AFF3: variants seen among roughly 807,000 people sequenced by gnomAD.
AFF3 encodes the protein AF4/FMR2 family member 3.
A neutral mutation model predicts 129.7 loss-of-function variants in AFF3; 32 were observed. That is an observed-to-expected ratio of 0.25 (90% CI 0.19 to 0.33). The LOEUF is 0.33. Ranked by LOEUF, AFF3 falls within the 10% of genes least tolerant of loss-of-function variation. The pLI, the probability that AFF3 is intolerant of heterozygous loss-of-function variation, is 1.00. For missense variants in AFF3, 1,373 were observed against 1,592.0 expected, an observed-to-expected ratio of 0.86 and a Z score of 2.34; for synonymous variants, 644 against 635.4, an observed-to-expected ratio of 1.01 and a Z score of -0.20.
At chr2:99,831,055 G>A (rs1400529255) in intron 8 of AFF3, among the ~76,000 whole-genome samples, 1 of 152,118 alleles carries the variant, frequency 6.6e-6, no homozygotes, top group Non-Finnish European at 1.5e-5. Flanking sequence ...GAACCTAAAG[G>A]GCACATCTTT....
intron 4 of AFF3, among the ~76,000 whole-genome samples, chr2:100,084,130 AG>A (rs967184707): frequency 5.9e-5 from 9 of 152,374 alleles, no homozygotes; most frequent in African/African-American, 1.9e-4. Context: ...GAAATAGCTT[AG>A]AAAAAAAAGT....
chr2:99,767,053 AAC>A (rs1659435270), intron 8 of AFF3, among the ~76,000 whole-genome samples: 1 of 152,214 alleles, frequency 6.6e-6, no homozygotes, highest in African/African-American at 2.4e-5. Flanking sequence ...AATCATGCTG[AAC>A]AGTCTGAGAC....
chr2:100,040,508 T>C (rs1353452158), intron 4 of AFF3, among the ~76,000 whole-genome samples: 3 of 152,192 alleles, frequency 2.0e-5, no homozygotes, highest in East Asian at 3.9e-4. Context: ...CCTTTTCTAA[T>C]CATGAGCAAT....
At chr2:99,649,503 T>C in intron 13 of AFF3, 123 bp downstream of exon 13, 1 of 1,095,160 alleles carries the variant, frequency 9.1e-7, no homozygotes, top group Non-Finnish European at 1.4e-6. Flanking sequence ...GCATGCAAAA[T>C]GTTTAACATC....
At chr2:99,829,730 C>T (rs1688375442) in intron 8 of AFF3, among the ~76,000 whole-genome samples, 1 of 152,154 alleles carries the variant, frequency 6.6e-6, no homozygotes, top group Admixed American at 6.5e-5. Flanking sequence ...GGCGATTCCT[C>T]AAGGATCTAG....
chr2:99,614,658 C>T (rs758522320), intron 13 of AFF3, among the ~76,000 whole-genome samples: 6 of 152,200 alleles, frequency 3.9e-5, no homozygotes, highest in Non-Finnish European at 7.3e-5. Flanking sequence ...TTCTAACACT[C>T]GAAACATTTC....
At chr2:99,650,796 A>ATGTGTGTGTGTGTGTGTGTG (rs142082185) in intron 12 of AFF3, among the ~76,000 whole-genome samples, 7 of 144,756 alleles carry the variant, frequency 4.8e-5, no homozygotes, top group Admixed American at 7.0e-5. Flanking sequence ...ACTAAAATTA[A>ATGTGTGTGTGTGTGTGTGTG]TGTGTGTGTG....
intron 8 of AFF3, among the ~76,000 whole-genome samples, chr2:99,773,650 T>G (rs1229293180): frequency 6.6e-6 from 1 of 152,146 alleles, no homozygotes; most frequent in Non-Finnish European, 1.5e-5. Context: ...AGTGGCTGAT[T>G]AAGCTAGTGA....
At chr2:99,734,413 T>C (rs1319490789) in intron 10 of AFF3, among the ~76,000 whole-genome samples, 3 of 152,106 alleles carry the variant, frequency 2.0e-5, no homozygotes, top group Non-Finnish European at 4.4e-5. Flanking sequence ...CCATCCAGTA[T>C]AATGTTGCAT....
At chr2:99,873,654 C>A (rs1692046151) in intron 7 of AFF3, among the ~76,000 whole-genome samples, 1 of 151,274 alleles carries the variant, frequency 6.6e-6, no homozygotes, top group African/African-American at 2.4e-5. Context: ...CATCTATGGA[C>A]TGGCTATAAG....
intron 12 of AFF3, among the ~76,000 whole-genome samples, chr2:99,662,864 ACTG>A (rs1686365912): frequency 6.6e-6 from 1 of 152,170 alleles, no homozygotes; most frequent in African/African-American, 2.4e-5. Context: ...TGTCACGCTG[ACTG>A]GATGAACCCT....
intron 12 of AFF3, among the ~76,000 whole-genome samples, chr2:99,659,621 C>T (rs552453575): frequency 2.0e-5 from 3 of 152,206 alleles, no homozygotes; most frequent in South Asian, 2.1e-4. Flanking sequence ...GTGCTAAGTT[C>T]GAAAAGTGCC....
intron 8 of AFF3, among the ~76,000 whole-genome samples, chr2:99,768,881 T>C (rs528387726): frequency 1.3e-5 from 2 of 152,364 alleles, no homozygotes; most frequent in South Asian, 2.1e-4. Context: ...TGGAGCACCA[T>C]AGTATGTTAC....
intron 7 of AFF3, among the ~76,000 whole-genome samples, chr2:99,898,384 T>C (rs1214698401): frequency 6.7e-6 from 1 of 150,250 alleles, no homozygotes; most frequent in African/African-American, 2.5e-5. Context: ...CGAGAGAGAG[T>C]GGGTACCACG....
At position 99,947,601 on chromosome 2, in the gene AFF3, A is replaced by AAGAAAGAT. The variant is rs765008346; in HGVS notation, c.873+59030_873+59031insATCTTTCT. ...AAGAAAAGAAAGAAAGAAAGAAAGA[A>AAGAAAGAT]AGATAGATAGATAGATAGATAGATA... On this transcript the variant is annotated intron_variant, in intron 7 of 24. Transcript: ENST00000672756. Among the ~76,000 whole-genome samples the AAGAAAGAT allele has an allele frequency of 7.4e-3, 1,007 of 136,512 alleles. 9 individuals are homozygous for AAGAAAGAT. The highest frequency in any genetic ancestry group is 0.017 in the Admixed American group (227 of 13,704). The allele number at this position is 136,512 out of a possible 152,430, so 89.6% of individuals were successfully genotyped here.
At chr2:100,035,918 A>C (rs931653399) in intron 4 of AFF3, among the ~76,000 whole-genome samples, 1 of 152,116 alleles carries the variant, frequency 6.6e-6, no homozygotes, top group Non-Finnish European at 1.5e-5. Context: ...ACAATAGTAC[A>C]CTGCAAGTAA....
chr2:99,846,422 G>A (rs1322218831), intron 7 of AFF3, among the ~76,000 whole-genome samples: 7 of 152,342 alleles, frequency 4.6e-5, no homozygotes, highest in Admixed American at 1.3e-4. Flanking sequence ...GAGCCACTGC[G>A]CCTGGCCGAA....
At chr2:99,890,254 G>A (rs1275095104) in intron 7 of AFF3, among the ~76,000 whole-genome samples, 2 of 152,158 alleles carry the variant, frequency 1.3e-5, no homozygotes, top group Non-Finnish European at 2.9e-5. Context: ...CAAGGGAAAT[G>A]GCAGGACAGG....
At chr2:99,876,659 C>T (rs374060763) in intron 7 of AFF3, among the ~76,000 whole-genome samples, 1 of 152,068 alleles carries the variant, frequency 6.6e-6, no homozygotes, top group African/African-American at 2.4e-5. Flanking sequence ...CAACGGCTTT[C>T]CATGGCCAGT....
Sources: allele counts gnomAD v4.1 joint callset (sites outside exome capture counted in the v4.1 genomes callset), GRCh38; gene constraint gnomAD v4.1.1; transcripts MANE v1.5; gene names NCBI Gene and HGNC (gene_info 2026-07-23, HGNC 2026-07-21).